Variants in IFI16 observed in about 807,000 individuals in gnomAD.
IFI16 encodes gamma-interferon-inducible protein 16.
A neutral mutation model predicts 68.4 loss-of-function variants in IFI16; 49 were observed. The observed-to-expected ratio is 0.72, with a 90% confidence interval of 0.57 to 0.91. The LOEUF (loss-of-function observed/expected upper bound fraction) is 0.91, where lower values mean the gene tolerates loss of function less well. Among genes scored for constraint, IFI16 ranks in the 40% least tolerant of loss-of-function variants. The pLI is 0.00. For missense variants in IFI16, 878 were observed against 942.9 expected, an observed-to-expected ratio of 0.93 and a Z score of 0.90; for synonymous variants, 307 against 315.0, an observed-to-expected ratio of 0.97 and a Z score of 0.27.
intron 6 of IFI16, among the ~76,000 whole-genome samples, chr1:159,024,726 C>T (rs1653543708): frequency 6.6e-6 from 1 of 151,800 alleles, no homozygotes; most frequent in African/African-American, 2.4e-5. Flanking sequence ...TATGAGAAAA[C>T]AAGCATTAAA....
intron 7 of IFI16, among the ~76,000 whole-genome samples, chr1:159,039,637 C>G (rs984253167): frequency 3.9e-5 from 6 of 152,122 alleles, no homozygotes; most frequent in Non-Finnish European, 5.9e-5. Context: ...AGCCACTGTG[C>G]CTGGCCGGGT....
chr1:159,019,002 T>C (rs1384306214), intron 5 of IFI16, among the ~76,000 whole-genome samples: 1 of 152,220 alleles, frequency 6.6e-6, no homozygotes, highest in Non-Finnish European at 1.5e-5. Context: ...TTGATTATTA[T>C]CTCTACTGTC....
intron 6 of IFI16, among the ~76,000 whole-genome samples, chr1:159,025,784 T>C (rs2101850105): frequency 6.6e-6 from 1 of 152,370 alleles, no homozygotes; most frequent in Middle Eastern, 3.4e-3. Context: ...TATTATCTTC[T>C]AGAATCTTTA....
At chr1:159,020,107 G>A (rs1308455796) in intron 5 of IFI16, among the ~76,000 whole-genome samples, 1 of 152,092 alleles carries the variant, frequency 6.6e-6, no homozygotes, top group African/African-American at 2.4e-5. Flanking sequence ...GTAGAAATTT[G>A]GAAGAAAACT....
intron 7 of IFI16, among the ~76,000 whole-genome samples, chr1:159,039,442 C>T (rs1654496226): frequency 6.6e-6 from 1 of 152,148 alleles, no homozygotes; most frequent in South Asian, 2.1e-4. Flanking sequence ...CTCCCGGGTT[C>T]AGGTGATTAT....
At chr1:159,034,742 T>C (rs1654217250) in intron 7 of IFI16, among the ~76,000 whole-genome samples, 1 of 152,222 alleles carries the variant, frequency 6.6e-6, no homozygotes, top group Non-Finnish European at 1.5e-5. Context: ...CCTCCCTTTG[T>C]GAGCTTTCCT....
At chr1:159,000,162 C>A in exon 1 of IFI16, 1 of 194,636 alleles carries the variant, frequency 5.1e-6, no homozygotes, top group South Asian at 1.3e-4. Flanking sequence ...CGTTTTAAAT[C>A]AAGTTGGCTA....
At chr1:159,029,280 T>C (rs960242979) in intron 6 of IFI16, among the ~76,000 whole-genome samples, 3 of 152,240 alleles carry the variant, frequency 2.0e-5, no homozygotes, top group South Asian at 4.1e-4. Context: ...CATTCTCGGC[T>C]GATAATTGTT....
At chr1:159,015,578 GA>G in intron 2 of IFI16, 1 of 224,298 alleles carries the variant, frequency 4.5e-6, no homozygotes, top group Non-Finnish European at 8.8e-6. Context: ...ACCGCATTGG[GA>G]AAGGGTTAAC....
In IFI16 at chr1:159,045,257, A is replaced by AT. The variant is rs1273675885; in HGVS notation, c.1330-38dup. On this transcript the variant is annotated intron_variant, in intron 7 of 11. Transcript: ENST00000295809. The stretch of plus-strand genomic sequence containing the variant: ...TGTGTTTCATCTGATCTTGAAAAAC[A>AT]TTAACTAGAAAAAAAGAACAAACAT... The AT allele has an allele frequency of 5.2e-6, 5 of 970,738 alleles. 1 individual carries two copies. Among genetic ancestry groups the AT allele is most frequent in the African/African-American group, 1.7e-5 (1 of 60,310 alleles). 60.1% of individuals were successfully genotyped at this position (970,738 alleles called of 1,614,324 possible).
At chr1:159,002,700 T>C (rs4657618), upstream of IFI16, among the ~76,000 whole-genome samples, 73,081 of 152,152 alleles carry the variant, frequency 0.48, 18,372 homozygotes, top group Admixed American at 0.62. Flanking sequence ...TGCCTTGTGG[T>C]CAAGCATTTG....
intron 5 of IFI16, 146 bp downstream of exon 5, chr1:159,018,797 G>A: frequency 3.1e-6 from 2 of 635,858 alleles, no homozygotes; most frequent in African/African-American, 1.8e-5. Context: ...AGACTTCTCT[G>A]AAGATAAGAC....
intron 10 of IFI16, chr1:159,052,419 T>G (rs1333992688): frequency 4.5e-6 from 1 of 220,700 alleles, no homozygotes; most frequent in Non-Finnish European, 9.2e-6. Context: ...CACATATCCT[T>G]AGGATTTTGT....
At position 159,010,174 on chromosome 1, in the gene IFI16, C is replaced by T. The variant is rs1212677845; in HGVS notation, c.-21+13C>T. On this transcript the variant is annotated intron_variant, in intron 1 of 11. Transcript: ENST00000295809. ...AATTTCCAGTGAGGTGAGTACTGTTCCTGATTTTGTAAATATGATCTTGTT... is the reference window on the plus strand; with the variant it reads ...AATTTCCAGTGAGGTGAGTACTGTTTCTGATTTTGTAAATATGATCTTGTT... 3 of 152,086 alleles carry T rather than the reference C, an allele frequency of 2.0e-5. No individual in the cohort carries two copies. The highest frequency in any genetic ancestry group is 4.8e-5 in the African/African-American group (2 of 41,414). 9.4% of individuals were successfully genotyped at this position (152,086 alleles called of 1,614,324 possible). A position where few individuals can be genotyped will look rare whatever the true frequency, so the allele number is the denominator to read the frequency against.
intron 6 of IFI16, among the ~76,000 whole-genome samples, chr1:159,023,710 C>T (rs1434747051): frequency 6.6e-6 from 1 of 152,016 alleles, no homozygotes. Flanking sequence ...AATTATTTGG[C>T]AGAGTGTCTA....
At chr1:159,027,797 T>C (rs1653765034) in intron 6 of IFI16, among the ~76,000 whole-genome samples, 1 of 152,188 alleles carries the variant, frequency 6.6e-6, no homozygotes, top group Admixed American at 6.5e-5. Flanking sequence ...TTTATGCACA[T>C]AAAGATGTTC....
At chr1:159,025,142 T>C (rs1023726614) in intron 6 of IFI16, among the ~76,000 whole-genome samples, 1 of 152,216 alleles carries the variant, frequency 6.6e-6, no homozygotes. Flanking sequence ...TAATTTTTGT[T>C]GCATATCCTG....
At chr1:159,008,330 G>A (rs1652340729), upstream of IFI16, among the ~76,000 whole-genome samples, 1 of 152,066 alleles carries the variant, frequency 6.6e-6, no homozygotes, top group Non-Finnish European at 1.5e-5. Flanking sequence ...TGACTTTTCT[G>A]TATGATAGCA....
At chr1:159,009,505 G>A (rs576193530), upstream of IFI16, among the ~76,000 whole-genome samples, 2 of 152,310 alleles carry the variant, frequency 1.3e-5, no homozygotes, top group Admixed American at 6.5e-5. Flanking sequence ...GAAAGGAGGG[G>A]AGAAGAAGCC....
Sources: gnomAD v4.1 joint callset for allele counts (sites outside exome capture counted in the v4.1 genomes callset) on GRCh38, gnomAD v4.1.1 for gene constraint, MANE v1.5 for transcripts, NCBI Gene and HGNC (gene_info 2026-07-23, HGNC 2026-07-21) for gene names.